The following NR6A1 variants were observed in gnomAD, a reference collection of about 807,000 sequenced individuals.
NR6A1 encodes the protein nuclear receptor subfamily 6 group A member 1.
A neutral mutation model predicts 59.1 loss-of-function variants in NR6A1; 7 were observed. The ratio of observed to expected loss-of-function variants is 0.12; its 90% CI spans 0.07 to 0.22. NR6A1 has a LOEUF of 0.22. Among genes scored for constraint, NR6A1 ranks in the 10% least tolerant of loss-of-function variants. The pLI, the probability that NR6A1 is intolerant of heterozygous loss-of-function variation, is 1.00. For synonymous variants in NR6A1, 243 were observed against 236.1 expected (o/e 1.03, Z -0.27); for missense variants, 468 against 611.6 (o/e 0.77, Z 2.48).
At chr9:124,641,843 G>C (rs867550152) in intron 2 of NR6A1, among the ~76,000 whole-genome samples, 3 of 152,312 alleles carry the variant, frequency 2.0e-5, no homozygotes, top group Middle Eastern at 3.4e-3. Flanking sequence ...AGCATAATTA[G>C]AGCCTTATTC....
chr9:124,560,522 T>C (rs1468976081), intron 2 of NR6A1, among the ~76,000 whole-genome samples: 1 of 152,220 alleles, frequency 6.6e-6, no homozygotes, highest in East Asian at 1.9e-4. Flanking sequence ...TAATCTGACT[T>C]AACCATTAGC....
intron 2 of NR6A1, chr9:124,692,500 A>T: frequency 1.9e-6 from 1 of 532,320 alleles, no homozygotes; most frequent in South Asian, 1.4e-5. Flanking sequence ...GCTGTCGGTG[A>T]GTTTGGGATT....
chr9:124,595,880 C>T (rs1835257161), intron 2 of NR6A1: 3 of 1,188,112 alleles, frequency 2.5e-6, no homozygotes, highest in African/African-American at 1.6e-5. Flanking sequence ...TCCTCTAAGC[C>T]GGGACTACGA....
intron 1 of NR6A1, among the ~76,000 whole-genome samples, chr9:124,743,733 A>C (rs1209420810): frequency 6.6e-6 from 1 of 152,242 alleles, no homozygotes; most frequent in Non-Finnish European, 1.5e-5. Flanking sequence ...GTAGCTATAG[A>C]ATCAAAAGGT....
chr9:124,551,115 C>T (rs920242641), intron 3 of NR6A1, among the ~76,000 whole-genome samples: 5 of 152,064 alleles, frequency 3.3e-5, no homozygotes, highest in African/African-American at 1.2e-4. Context: ...TATATTTCCC[C>T]TACCCCAGCC....
At chr9:124,742,592 A>T (rs1310117113) in intron 1 of NR6A1, among the ~76,000 whole-genome samples, 1 of 151,700 alleles carries the variant, frequency 6.6e-6, no homozygotes, top group Non-Finnish European at 1.5e-5. Flanking sequence ...AAAATAAAAG[A>T]GCAGCTGGGC....
At position 124,554,332 on chromosome 9, in the gene NR6A1, C is replaced by T. The variant is rs7040570; in HGVS notation, c.381G>A (p.Arg127=). 6.2e-7 allele frequency: 1 copy of T among 1,614,200 alleles called. No individual in the cohort carries two copies. Among genetic ancestry groups the T allele is most frequent in the Non-Finnish European group, 8.5e-7 (1 of 1,180,028 alleles). The change falls in exon 3 of 10, where the codon CGG becomes CGA. Residue 127 remains arginine (R), a synonymous_variant. Coordinates refer to ENST00000487099, the MANE Select transcript of NR6A1 (RefSeq NM_033334.4). ...LLKCLQMGMN[R]KAIREDGMPG... is the part of the protein sequence containing the mutation. ...AGAGCCATCAGCACCACTCACCCTT[C>T]CGGTTCATCCCCATCTGGAGGCATT... is the stretch of plus-strand genomic sequence containing the variant.
chr9:124,543,207 T>C (rs1384840231), intron 4 of NR6A1, among the ~76,000 whole-genome samples: 1 of 152,130 alleles, frequency 6.6e-6, no homozygotes, highest in African/African-American at 2.4e-5. Context: ...GTGTCTCTAG[T>C]CCCCAACCAC....
chr9:124,761,787 TTC>T (rs1245644273), intron 1 of NR6A1, among the ~76,000 whole-genome samples: 1 of 152,222 alleles, frequency 6.6e-6, no homozygotes, highest in Non-Finnish European at 1.5e-5. Context: ...TCTTAAGAAA[TTC>T]TGTTGTCAGA....
intron 2 of NR6A1, among the ~76,000 whole-genome samples, chr9:124,570,723 T>A (rs1224361348): frequency 8.0e-6 from 1 of 124,494 alleles, no homozygotes; most frequent in Non-Finnish European, 1.6e-5. Context: ...GATTCCTTGT[T>A]TACTTGGTGG....
intron 2 of NR6A1, among the ~76,000 whole-genome samples, chr9:124,718,801 A>G (rs1304982995): frequency 2.1e-5 from 2 of 96,586 alleles, no homozygotes; most frequent in Non-Finnish European, 4.2e-5. Context: ...TTAAATTGTT[A>G]CCTTTTTTTT....
At chr9:124,675,906 C>T (rs914308923) in intron 2 of NR6A1, among the ~76,000 whole-genome samples, 1 of 152,098 alleles carries the variant, frequency 6.6e-6, no homozygotes, top group Non-Finnish European at 1.5e-5. Context: ...ACGCTCTTGC[C>T]GGTACGTGTA....
intron 2 of NR6A1, among the ~76,000 whole-genome samples, chr9:124,691,451 T>C (rs923187491): frequency 1.8e-4 from 28 of 152,344 alleles, no homozygotes; most frequent in South Asian, 8.3e-4. Context: ...GGCAGTTCTG[T>C]AAGCCCTTTT....
chr9:124,578,226 G>A (rs1226651396), intron 2 of NR6A1, among the ~76,000 whole-genome samples: 1 of 152,090 alleles, frequency 6.6e-6, no homozygotes, highest in African/African-American at 2.4e-5. Context: ...ACTTTAGACT[G>A]CCATATAGTA....
intron 2 of NR6A1, among the ~76,000 whole-genome samples, chr9:124,574,051 G>T (rs527312387): frequency 1.8e-4 from 27 of 152,116 alleles, no homozygotes; most frequent in African/African-American, 2.7e-4. Context: ...TGGAATATTT[G>T]TACTGACACT....
chr9:124,562,255 G>A (rs561970874), intron 2 of NR6A1, among the ~76,000 whole-genome samples: 13 of 152,224 alleles, frequency 8.5e-5, no homozygotes, highest in Non-Finnish European at 1.8e-4. Context: ...ATCAGGCTAT[G>A]TTTTACCCCT....
chr9:124,659,312 T>C (rs1224511287), intron 2 of NR6A1, among the ~76,000 whole-genome samples: 2 of 152,100 alleles, frequency 1.3e-5, no homozygotes, highest in African/African-American at 4.8e-5. Context: ...GACATGGATG[T>C]GTGAGGTGCT....
intron 2 of NR6A1, among the ~76,000 whole-genome samples, chr9:124,732,677 G>A (rs1839918489): frequency 6.6e-6 from 1 of 151,806 alleles, no homozygotes; most frequent in Admixed American, 6.6e-5. Context: ...AGTTGTCCAT[G>A]TGCATAAATG....
At chr9:124,746,124 A>T (rs772603047) in intron 1 of NR6A1, among the ~76,000 whole-genome samples, 7 of 152,160 alleles carry the variant, frequency 4.6e-5, no homozygotes, top group African/African-American at 9.7e-5. Flanking sequence ...TATTAGAAAC[A>T]CAATTCTGGG....
Sources: allele counts gnomAD v4.1 joint callset (sites outside exome capture counted in the v4.1 genomes callset), GRCh38; gene constraint gnomAD v4.1.1; transcripts MANE v1.5; gene names NCBI Gene and HGNC (gene_info 2026-07-23, HGNC 2026-07-21).